ESCO1: variants seen among roughly 807,000 people sequenced by gnomAD.
The protein encoded by ESCO1 is establishment of sister chromatid cohesion N-acetyltransferase 1.
A neutral mutation model predicts 83.5 loss-of-function variants in ESCO1; 33 were observed. The ratio of observed to expected loss-of-function variants is 0.40; its 90% CI spans 0.30 to 0.53. The LOEUF (loss-of-function observed/expected upper bound fraction) is 0.53, where lower values mean the gene tolerates loss of function less well. Among genes scored for constraint, ESCO1 ranks in the 20% least tolerant of loss-of-function variants. The pLI, the probability that ESCO1 is intolerant of heterozygous loss-of-function variation, is 0.63. For synonymous variants in ESCO1, 332 were observed against 324.3 expected (o/e 1.02, Z -0.25); for missense variants, 855 against 968.0 (o/e 0.88, Z 1.55).
intron 1 of ESCO1, among the ~76,000 whole-genome samples, chr18:21,596,677 TA>T (rs966313970): frequency 6.6e-6 from 1 of 151,564 alleles, no homozygotes; most frequent in Admixed American, 6.6e-5. Flanking sequence ...CACAAAAATA[TA>T]AAAAAAACTA....
At chr18:21,570,975 C>CA (rs774263906) in intron 4 of ESCO1, among the ~76,000 whole-genome samples, 3,302 of 113,440 alleles carry the variant, frequency 0.029, 105 homozygotes, top group African/African-American at 0.088. Flanking sequence ...GACTTCATCT[C>CA]AAAAAAAAAA....
intron 8 of ESCO1, among the ~76,000 whole-genome samples, chr18:21,547,165 A>C (rs982003541): frequency 2.6e-5 from 4 of 152,148 alleles, no homozygotes; most frequent in African/African-American, 7.2e-5. Flanking sequence ...ATCCTAAAAT[A>C]CTACTGTAGC....
At chr18:21,545,827 G>T (rs909569281) in intron 8 of ESCO1, among the ~76,000 whole-genome samples, 2 of 152,114 alleles carry the variant, frequency 1.3e-5, no homozygotes, top group African/African-American at 4.8e-5. Context: ...TACTCGGGGG[G>T]GCTGAGGCAG....
At chr18:21,596,503 A>G (rs1341432331) in intron 1 of ESCO1, among the ~76,000 whole-genome samples, 1 of 152,160 alleles carries the variant, frequency 6.6e-6, no homozygotes, top group Non-Finnish European at 1.5e-5. Context: ...ATAATTAGCT[A>G]TAATAATATT....
intron 2 of ESCO1, among the ~76,000 whole-genome samples, chr18:21,581,302 C>T (rs534698593): frequency 6.6e-6 from 1 of 150,522 alleles, no homozygotes; most frequent in Non-Finnish European, 1.5e-5. Flanking sequence ...GCCTGGGCAA[C>T]ACAGCGAGAA....
chr18:21,579,865 T>C (rs1465363835), intron 2 of ESCO1, among the ~76,000 whole-genome samples: 1 of 149,864 alleles, frequency 6.7e-6, no homozygotes, highest in Non-Finnish European at 1.5e-5. Flanking sequence ...CCTAAGAGTA[T>C]CTAGAATAAT....
intron 8 of ESCO1, among the ~76,000 whole-genome samples, chr18:21,549,210 T>G (rs1445217751): frequency 2.6e-5 from 4 of 152,194 alleles, no homozygotes; most frequent in Non-Finnish European, 5.9e-5. Flanking sequence ...CATTTGAGTA[T>G]CCATCTCACC....
chr18:21,532,173 C>A (rs974080193), intron 11 of ESCO1, among the ~76,000 whole-genome samples: 2 of 152,108 alleles, frequency 1.3e-5, no homozygotes, highest in African/African-American at 4.8e-5. Flanking sequence ...ATTTAAAATT[C>A]TTCAAAATGA....
intron 1 of ESCO1, among the ~76,000 whole-genome samples, chr18:21,593,909 A>G (rs9962100): frequency 0.021 from 3,181 of 152,010 alleles, 120 homozygotes; most frequent in African/African-American, 0.072. Flanking sequence ...TGGGTTTGTG[A>G]CCCAAGAGGT....
In ESCO1 at chr18:21,575,732, G is replaced by T. The variant is rs1343059339; in HGVS notation, c.-648C>A. On this transcript the variant is annotated 5_prime_UTR_variant, in exon 3 of 12. Coordinates refer to ENST00000269214, the MANE Select transcript of ESCO1 (RefSeq NM_052911.3). ...CCACCATAACTCATGAAGAAAATTA[G>T]ACAAAACCATTCCTTCTAATATGCT... The T allele has an allele frequency of 5.0e-6, 2 of 398,060 alleles. No individual in the cohort carries two copies. The highest frequency in any genetic ancestry group is 8.9e-6 in the Non-Finnish European group (2 of 225,900). The allele number at this position is 398,060 out of a possible 1,614,324, so 24.7% of individuals were successfully genotyped here. A position where few individuals can be genotyped will look rare whatever the true frequency, so the allele number is the denominator to read the frequency against.
intron 8 of ESCO1, among the ~76,000 whole-genome samples, chr18:21,560,475 G>A (rs1378579834): frequency 7.3e-5 from 11 of 151,554 alleles, no homozygotes; most frequent in African/African-American, 2.7e-4. Context: ...TACCTATCAC[G>A]ATCAATCTCC....
chr18:21,573,567 G>C lies in ESCO1; in HGVS notation c.1277C>G (p.Ala426Gly), dbSNP rs1289197250. Reference protein sequence around the residue: ...GLLRTSFSPPALEMHHPVTQS... With the variant: ...GLLRTSFSPPGLEMHHPVTQS... ...AGTCACTGGATGATGCATTTCTAAA[G>C]CTGGTGGTGAAAAACTGGTTCGTAA... Residue 426 changes from alanine (A) to glycine (G), a missense_variant, in exon 4 of 12, where the codon GCT (alanine) becomes GGT (glycine). Around this residue, in one of 2 missense-constraint regions of ESCO1, gnomAD observed 726 missense variants for 699.5 expected, o/e 1.04. Transcript: ENST00000269214. 6.2e-7 allele frequency: 1 copy of C among 1,614,074 alleles called. No homozygotes were observed. The highest frequency in any genetic ancestry group is 1.1e-5 in the South Asian group (1 of 91,082).
intron 8 of ESCO1, among the ~76,000 whole-genome samples, chr18:21,557,769 T>G (rs1045896305): frequency 6.6e-6 from 1 of 152,178 alleles, no homozygotes; most frequent in Admixed American, 6.5e-5. Flanking sequence ...AGGTTCCTGA[T>G]AGGTTTCTGG....
At chr18:21,588,473 C>T (rs182779706) in intron 1 of ESCO1, among the ~76,000 whole-genome samples, 1 of 151,822 alleles carries the variant, frequency 6.6e-6, no homozygotes, top group African/African-American at 2.4e-5. Context: ...AAATTGTATC[C>T]CTACCTCATA....
chr18:21,549,173 C>T lies in ESCO1; in HGVS notation c.1954-9164G>A, dbSNP rs2038012947. The stretch of plus-strand genomic sequence containing the variant: ...TGCTCTAATTTTTGAGACCCTGTCT[C>T]TAAAAAGAAAACAAACCCCAAAATG... On this transcript the variant is annotated intron_variant, in intron 8 of 11. Transcript: ENST00000269214. Among the ~76,000 whole-genome samples, 3 of 152,236 alleles carry T rather than the reference C, an allele frequency of 2.0e-5. No individual in the cohort carries two copies. The South Asian group carries it at 6.2e-4, about 32-fold the overall frequency.
At chr18:21,592,906 C>G (rs2038701115) in intron 1 of ESCO1, 1 of 170,674 alleles carries the variant, frequency 5.9e-6, no homozygotes, top group Non-Finnish European at 1.2e-5. Flanking sequence ...TCCTCACCTC[C>G]CAGACGGGGT....
At chr18:21,583,043 T>C (rs1036004869) in intron 2 of ESCO1, among the ~76,000 whole-genome samples, 28 of 151,676 alleles carry the variant, frequency 1.8e-4, no homozygotes, top group African/African-American at 5.8e-4. Context: ...ATACAAAAAT[T>C]AGCGGGCAGG....
chr18:21,541,817 C>G (rs2037911830), intron 8 of ESCO1, among the ~76,000 whole-genome samples: 1 of 151,976 alleles, frequency 6.6e-6, no homozygotes, highest in Non-Finnish European at 1.5e-5. Context: ...ATGTAAGTAA[C>G]CTCAAGTTAT....
chr18:21,550,625 G>A (rs930527928), intron 8 of ESCO1, among the ~76,000 whole-genome samples: 1 of 152,158 alleles, frequency 6.6e-6, no homozygotes, highest in African/African-American at 2.4e-5. Flanking sequence ...CATCGGTATT[G>A]CTTATGACTT....
Sources: gnomAD v4.1 joint callset for allele counts (sites outside exome capture counted in the v4.1 genomes callset) on GRCh38, gnomAD v4.1.1 for gene constraint, gnomAD v4.1.1 regional missense constraint, MANE v1.5 for transcripts, NCBI Gene and HGNC (gene_info 2026-07-23, HGNC 2026-07-21) for gene names.